Variants in LDB2 observed in about 807,000 individuals in gnomAD.
LDB2 encodes the protein LIM domain binding 2.
Under a neutral mutation model 44.3 loss-of-function variants are expected in LDB2, and 12 were observed. That is an observed-to-expected ratio of 0.27 (90% CI 0.17 to 0.44). LDB2 has a LOEUF of 0.44. Among genes scored for constraint, LDB2 ranks in the 20% least tolerant of loss-of-function variants. LDB2 has a pLI of 1.00. For missense variants in LDB2, 344 were observed against 473.5 expected (o/e 0.73, Z 2.54); for synonymous variants, 164 against 174.8 (o/e 0.94, Z 0.49).
chr4:16,541,277 G>C (rs978916653), intron 5 of LDB2, among the ~76,000 whole-genome samples: 5 of 152,076 alleles, frequency 3.3e-5, no homozygotes, highest in African/African-American at 1.2e-4. Flanking sequence ...GAGTTTTTAT[G>C]AGATCTGGTT....
At chr4:16,845,083 A>AG (rs1432991812) in intron 1 of LDB2, among the ~76,000 whole-genome samples, 1 of 152,288 alleles carries the variant, frequency 6.6e-6, no homozygotes, top group East Asian at 1.9e-4. Flanking sequence ...GCCCAGTCCC[A>AG]GATTAGAGAT....
intron 1 of LDB2, among the ~76,000 whole-genome samples, chr4:16,779,254 C>A (rs2109433911): frequency 6.6e-6 from 1 of 152,318 alleles, no homozygotes; most frequent in South Asian, 2.1e-4. Flanking sequence ...TTTGCTTTCC[C>A]CCGCTAAGTG....
chr4:16,796,104 C>T (rs1776672679), intron 1 of LDB2, among the ~76,000 whole-genome samples: 1 of 151,818 alleles, frequency 6.6e-6, no homozygotes, highest in African/African-American at 2.4e-5. Context: ...CCAGTCTGGG[C>T]AACATGGTGA....
intron 1 of LDB2, among the ~76,000 whole-genome samples, chr4:16,892,199 G>A (rs988773691): frequency 1.3e-5 from 2 of 152,098 alleles, no homozygotes; most frequent in African/African-American, 4.8e-5. Context: ...AACCTATCAT[G>A]GCTCTCTATT....
chr4:16,821,762 A>AAAAAAAAAAAAAAAAAC (rs1364519992), intron 1 of LDB2, among the ~76,000 whole-genome samples: 2 of 149,990 alleles, frequency 1.3e-5, no homozygotes, highest in East Asian at 1.9e-4. Flanking sequence ...AAAAAAAAAA[A>AAAAAAAAAAAAAAAAAC]AAAAAAAATC....
At chr4:16,577,576 T>C (rs1712239467) in intron 5 of LDB2, among the ~76,000 whole-genome samples, 1 of 152,014 alleles carries the variant, frequency 6.6e-6, no homozygotes. Flanking sequence ...GAAGAGGATA[T>C]ACAAAAATGG....
intron 5 of LDB2, among the ~76,000 whole-genome samples, chr4:16,557,933 C>T (rs920878178): frequency 2.0e-5 from 3 of 152,318 alleles, no homozygotes; most frequent in Middle Eastern, 3.4e-3. Context: ...CTGCAGACAC[C>T]GCTGCTGATA....
chr4:16,769,703 T>C (rs534892228), intron 1 of LDB2, among the ~76,000 whole-genome samples: 13 of 152,330 alleles, frequency 8.5e-5, no homozygotes, highest in African/African-American at 2.4e-4. Flanking sequence ...AAATTGCATT[T>C]TATTTAACTG....
At chr4:16,862,321 C>T (rs776872950) in intron 1 of LDB2, among the ~76,000 whole-genome samples, 8 of 151,422 alleles carry the variant, frequency 5.3e-5, no homozygotes, top group Admixed American at 1.3e-4. Flanking sequence ...GGATGGAAGC[C>T]GTTCTAATCT....
intron 2 of LDB2, among the ~76,000 whole-genome samples, chr4:16,731,808 C>A (rs1431675807): frequency 1.3e-5 from 2 of 152,172 alleles, no homozygotes; most frequent in Non-Finnish European, 2.9e-5. Context: ...CTGTCTTCAG[C>A]TGGTAACATT....
intron 1 of LDB2, among the ~76,000 whole-genome samples, chr4:16,827,547 T>C (rs767984659): frequency 2.6e-4 from 39 of 152,174 alleles, no homozygotes; most frequent in Non-Finnish European, 5.3e-4. Flanking sequence ...TTCAATTTAG[T>C]TCATAAGATT....
At chr4:16,680,045 G>A (rs1747409178) in intron 2 of LDB2, among the ~76,000 whole-genome samples, 1 of 152,164 alleles carries the variant, frequency 6.6e-6, no homozygotes, top group Non-Finnish European at 1.5e-5. Context: ...GGTATTTGGA[G>A]ATGGGACCTT....
intron 2 of LDB2, among the ~76,000 whole-genome samples, chr4:16,650,622 A>C (rs576681502): frequency 2.0e-5 from 3 of 152,340 alleles, no homozygotes; most frequent in African/African-American, 7.2e-5. Context: ...TATGTTTTCA[A>C]ATACCAAACC....
chr4:16,850,173 G>A (rs1455275848), intron 1 of LDB2, among the ~76,000 whole-genome samples: 1 of 152,086 alleles, frequency 6.6e-6, no homozygotes, highest in Non-Finnish European at 1.5e-5. Context: ...GGCGCTTTCT[G>A]TGAGTCTGTT....
intron 2 of LDB2, among the ~76,000 whole-genome samples, chr4:16,675,433 T>C (rs1320962789): frequency 1.3e-5 from 2 of 152,150 alleles, no homozygotes; most frequent in Non-Finnish European, 1.5e-5. Context: ...AATTGATTCA[T>C]TGAGGGTCAT....
intron 2 of LDB2, among the ~76,000 whole-genome samples, chr4:16,730,576 C>T (rs185566222): frequency 6.6e-6 from 1 of 152,262 alleles, no homozygotes; most frequent in East Asian, 1.9e-4. Context: ...TTATTCCTCC[C>T]CCAATCTCTA....
chr4:16,719,347 A>C (rs73132722), intron 2 of LDB2, among the ~76,000 whole-genome samples: 21,689 of 152,124 alleles, frequency 0.14, 1,862 homozygotes, highest in Middle Eastern at 0.27. Context: ...TGATAAGCTC[A>C]TTAGCTTGAC....
chr4:16,603,302 A>G lies in LDB2; in HGVS notation c.236-7427T>C, dbSNP rs1051008217. On this transcript the variant is annotated intron_variant, in intron 2 of 7. Coordinates refer to ENST00000304523, the MANE Select transcript of LDB2 (RefSeq NM_001290.5). ...GCTGTGTTACTAATGGCTTGTAAAG[A>G]TAGTACAGAGTCCATGTGGAGAGAG... is the stretch of plus-strand genomic sequence containing the variant. Among the ~76,000 whole-genome samples, 4 of 152,324 alleles carry G rather than the reference A, an allele frequency of 2.6e-5. No homozygotes were observed. In the South Asian group the frequency reaches 6.2e-4, roughly 24 times the overall value.
At chr4:16,813,748 C>T (rs980659094) in intron 1 of LDB2, among the ~76,000 whole-genome samples, 1 of 152,160 alleles carries the variant, frequency 6.6e-6, no homozygotes, top group African/African-American at 2.4e-5. Flanking sequence ...GAGGCCAAAA[C>T]AAACTCAATT....
Sources: allele counts gnomAD v4.1 joint callset (sites outside exome capture counted in the v4.1 genomes callset), GRCh38; gene constraint gnomAD v4.1.1; transcripts MANE v1.5; gene names NCBI Gene and HGNC (gene_info 2026-07-23, HGNC 2026-07-21).